MGAT4C: variants seen among roughly 807,000 people sequenced by gnomAD.
MGAT4C encodes the protein MGAT4 family member C.
MGAT4C carries 19 observed loss-of-function variants against 40.1 expected under a neutral mutation model. The observed-to-expected ratio is 0.47, with a 90% CI of 0.33 to 0.70. The LOEUF (loss-of-function observed/expected upper bound fraction) is 0.70, where lower values mean the gene tolerates loss of function less well. MGAT4C is among the 30% of genes least tolerant of loss of function. The probability of loss-of-function intolerance (pLI) is 0.02; values close to 1 mark genes in which losing one functional copy is unlikely to be tolerated. For synonymous variants in MGAT4C, 181 were observed against 187.1 expected (o/e 0.97, Z 0.27); for missense variants, 491 against 563.2 (o/e 0.87, Z 1.30).
intron 2 of MGAT4C, among the ~76,000 whole-genome samples, chr12:86,531,061 T>C (rs1958973199): frequency 6.6e-6 from 1 of 152,078 alleles, no homozygotes; most frequent in Non-Finnish European, 1.5e-5. Flanking sequence ...ATTGGCCAAC[T>C]ACTCATGGAT....
At chr12:86,811,252 A>G (rs1952466220) in intron 1 of MGAT4C, among the ~76,000 whole-genome samples, 1 of 151,028 alleles carries the variant, frequency 6.6e-6, no homozygotes, top group South Asian at 2.1e-4. Flanking sequence ...ACTATAAGGC[A>G]TCATGTTTGA....
At chr12:86,374,297 G>GA (rs1955782997) in intron 3 of MGAT4C, among the ~76,000 whole-genome samples, 1 of 152,074 alleles carries the variant, frequency 6.6e-6, no homozygotes, top group Non-Finnish European at 1.5e-5. Flanking sequence ...GTTGATTTCT[G>GA]AAAAAGTATG....
chr12:85,989,674 G>C, intron 2 of MGAT4C, 122 bp from the exon 3 acceptor site: 4 of 906,934 alleles, frequency 4.4e-6, no homozygotes, highest in Non-Finnish European at 1.6e-6. Context: ...TTAAAATTCT[G>C]TTCCCAATTT....
chr12:86,456,214 T>C (rs1957509028), intron 2 of MGAT4C, among the ~76,000 whole-genome samples: 5 of 152,058 alleles, frequency 3.3e-5, no homozygotes, highest in African/African-American at 1.2e-4. Context: ...CAAGGCAATA[T>C]CTATTGTTTT....
chr12:86,343,677 G>GTATTA (rs1419922640), intron 3 of MGAT4C, among the ~76,000 whole-genome samples: 3 of 152,082 alleles, frequency 2.0e-5, no homozygotes, highest in African/African-American at 7.2e-5. Context: ...ACAACACTAT[G>GTATTA]TATTACACTG....
chr12:86,013,639 G>T, intron 2 of MGAT4C: 1 of 650,592 alleles, frequency 1.5e-6, no homozygotes, highest in Non-Finnish European at 1.9e-6. Context: ...ATAAATCTGT[G>T]AACGTGTACT....
At chr12:86,694,635 G>T (rs928143571) in intron 2 of MGAT4C, among the ~76,000 whole-genome samples, 2 of 152,044 alleles carry the variant, frequency 1.3e-5, no homozygotes, top group Non-Finnish European at 2.9e-5. Context: ...AGAAGTGACC[G>T]CAATCTTCTC....
At chr12:86,769,477 A>G (rs1051913522) in intron 1 of MGAT4C, among the ~76,000 whole-genome samples, 5 of 152,188 alleles carry the variant, frequency 3.3e-5, no homozygotes, top group African/African-American at 9.7e-5. Flanking sequence ...GGGATCTAGA[A>G]CTAGAAATAC....
intron 2 of MGAT4C, among the ~76,000 whole-genome samples, chr12:85,999,620 GGAATACTATTTAGCCATAAAATAGAAT>G (rs1887073190): frequency 1.3e-5 from 2 of 148,472 alleles, no homozygotes; most frequent in Non-Finnish European, 3.0e-5. Flanking sequence ...CATACACAAT[GGAATACTATTTAGCCATAAAATAGAAT>G]GAATACTATT....
At chr12:85,982,481 A>C (rs553072202) in intron 4 of MGAT4C, among the ~76,000 whole-genome samples, 37 of 152,292 alleles carry the variant, frequency 2.4e-4, no homozygotes, top group Non-Finnish European at 4.6e-4. Flanking sequence ...GAGCCACCAA[A>C]CCCAGCCTAA....
upstream of MGAT4C, among the ~76,000 whole-genome samples, chr12:86,259,390 T>C (rs912954767): frequency 4.6e-5 from 7 of 152,118 alleles, 1 homozygote; most frequent in Admixed American, 2.6e-4. Flanking sequence ...TGTTTTCTAC[T>C]ATACTAAAAT....
chr12:86,411,691 C>A (rs1956607725), intron 3 of MGAT4C, among the ~76,000 whole-genome samples: 7 of 152,122 alleles, frequency 4.6e-5, no homozygotes, highest in Admixed American at 4.6e-4. Context: ...AAGAAAACCC[C>A]ATTTTCTGGA....
At chr12:86,429,696 C>T (rs1056701739) in intron 3 of MGAT4C, among the ~76,000 whole-genome samples, 1 of 151,960 alleles carries the variant, frequency 6.6e-6, no homozygotes, top group South Asian at 2.1e-4. Flanking sequence ...ATCACTTGTC[C>T]TCAGAATTTT....
intron 3 of MGAT4C, among the ~76,000 whole-genome samples, chr12:86,349,785 C>T (rs1955119337): frequency 6.6e-6 from 1 of 152,086 alleles, no homozygotes; most frequent in Non-Finnish European, 1.5e-5. Context: ...TATGGACTTG[C>T]TACATATCTA....
intron 2 of MGAT4C, among the ~76,000 whole-genome samples, chr12:86,654,149 A>G (rs1033395740): frequency 3.3e-5 from 5 of 152,016 alleles, no homozygotes; most frequent in Non-Finnish European, 7.4e-5. Flanking sequence ...CTTATGGCTT[A>G]GGAGAAACTG....
intron 2 of MGAT4C, among the ~76,000 whole-genome samples, chr12:86,489,117 C>T (rs1958080175): frequency 6.6e-6 from 1 of 152,124 alleles, no homozygotes; most frequent in Non-Finnish European, 1.5e-5. Flanking sequence ...TATAAAGACC[C>T]CAGACTCAGC....
chr12:86,051,340 C>A (rs996751531), intron 1 of MGAT4C, among the ~76,000 whole-genome samples: 16 of 151,974 alleles, frequency 1.1e-4, no homozygotes, highest in African/African-American at 3.6e-4. Context: ...GACTGATGAA[C>A]AAAATGGAAT....
intron 2 of MGAT4C, among the ~76,000 whole-genome samples, chr12:86,575,043 A>G (rs1960506616): frequency 6.6e-6 from 1 of 151,684 alleles, no homozygotes; most frequent in South Asian, 2.1e-4. Flanking sequence ...TCCCTGTAGG[A>G]ACACACTCAC....
intron 2 of MGAT4C, among the ~76,000 whole-genome samples, chr12:86,517,795 G>A (rs1428446172): frequency 2.6e-5 from 4 of 152,046 alleles, no homozygotes; most frequent in Non-Finnish European, 4.4e-5. Context: ...ACAGGCGCCC[G>A]CCACCACGCC....
Sources: allele counts gnomAD v4.1 joint callset (sites outside exome capture counted in the v4.1 genomes callset), GRCh38; gene constraint gnomAD v4.1.1; transcripts MANE v1.5; gene names NCBI Gene and HGNC (gene_info 2026-07-23, HGNC 2026-07-21).